The following ADK variants were observed in gnomAD, a reference collection of about 807,000 sequenced individuals.
The protein encoded by ADK is N6,N6-dimethyladenosine kinase.
Under a neutral mutation model 44.7 loss-of-function variants are expected in ADK, and 24 were observed. That is an observed-to-expected ratio of 0.54 (90% CI 0.39 to 0.76). The LOEUF is 0.76. ADK is among the 30% of genes least tolerant of loss of function. The probability of loss-of-function intolerance (pLI) is 0.00; values close to 1 mark genes in which losing one functional copy is unlikely to be tolerated. For missense variants in ADK, 321 were observed against 425.1 expected, an observed-to-expected ratio of 0.76 and a Z score of 2.15; for synonymous variants, 128 against 142.6, an observed-to-expected ratio of 0.90 and a Z score of 0.73.
chr10:74,167,880 G>T (rs958454192), intron 1 of ADK, among the ~76,000 whole-genome samples: 11 of 152,158 alleles, frequency 7.2e-5, no homozygotes, highest in Non-Finnish European at 1.5e-4. Context: ...CCCTTTGAAG[G>T]ATGATCACTT....
intron 2 of ADK, among the ~76,000 whole-genome samples, chr10:74,205,737 TAACA>T (rs1372347468): frequency 4.2e-5 from 6 of 141,338 alleles, no homozygotes; most frequent in Non-Finnish European, 9.3e-5. Flanking sequence ...GAAACTAACA[TAACA>T]GTCTAAGAAA....
intron 7 of ADK, among the ~76,000 whole-genome samples, chr10:74,528,875 T>C (rs1849169070): frequency 6.6e-6 from 1 of 152,168 alleles, no homozygotes; most frequent in Non-Finnish European, 1.5e-5. Flanking sequence ...TAACAAGTAT[T>C]GGTGAAGATG....
Position 74,430,410 on chromosome 10 carries a change from G to A in ADK, c.555+31831G>A, listed in dbSNP as rs113178125. Among the ~76,000 whole-genome samples the A allele has an allele frequency of 1.2e-4, 18 of 152,160 alleles. 1 individual carries two copies. The highest frequency in any genetic ancestry group is 3.6e-4 in the African/African-American group (15 of 41,506). ...ACATCTTGGTTGTTTCCAGTTTGGA[G>A]CTATTACAGATAAAGCTGCTGTGAA... is the stretch of plus-strand genomic sequence containing the variant. On this transcript the variant is annotated intron_variant, in intron 6 of 10. Transcript: ENST00000539909.
At chr10:74,346,337 G>T (rs1841763726) in intron 4 of ADK, among the ~76,000 whole-genome samples, 1 of 150,708 alleles carries the variant, frequency 6.6e-6, no homozygotes, top group Admixed American at 6.6e-5. Flanking sequence ...ATATCGATCA[G>T]GGTTTTACAC....
intron 9 of ADK, among the ~76,000 whole-genome samples, chr10:74,626,943 G>A (rs1776047278): frequency 1.3e-5 from 2 of 152,082 alleles, no homozygotes; most frequent in Admixed American, 6.5e-5. Context: ...ATAATCCATG[G>A]CCTTGGTTTT....
chr10:74,356,013 T>TGG (rs1842131464), intron 4 of ADK, among the ~76,000 whole-genome samples: 13 of 132,048 alleles, frequency 9.8e-5, no homozygotes, highest in Non-Finnish European at 1.6e-4. Context: ...TTTTTTTTTT[T>TGG]TTTTTTTTTT....
intron 2 of ADK, among the ~76,000 whole-genome samples, chr10:74,211,519 A>C (rs947456678): frequency 6.6e-6 from 1 of 152,226 alleles, no homozygotes; most frequent in African/African-American, 2.4e-5. Context: ...TAGATTCAAA[A>C]ATTCTAAAAG....
intron 6 of ADK, among the ~76,000 whole-genome samples, chr10:74,514,139 C>T (rs1004523342): frequency 6.6e-6 from 1 of 152,208 alleles, no homozygotes; most frequent in African/African-American, 2.4e-5. Flanking sequence ...ATCCTGTCCT[C>T]TCCTGGACTA....
intron 4 of ADK, among the ~76,000 whole-genome samples, chr10:74,330,057 A>G (rs1023555855): frequency 1.3e-5 from 2 of 152,086 alleles, no homozygotes; most frequent in African/African-American, 4.8e-5. Flanking sequence ...CATCCCAGCT[A>G]GTCAGGAAGC....
At chr10:74,495,906 C>T (rs1847667477) in intron 6 of ADK, among the ~76,000 whole-genome samples, 1 of 152,162 alleles carries the variant, frequency 6.6e-6, no homozygotes, top group African/African-American at 2.4e-5. Flanking sequence ...GGAATCTCCT[C>T]TTAGTAGGCT....
rs200870410 is a variant in ADK, at chr10:74,368,818, G to C, written c.274-25323G>C. The stretch of plus-strand genomic sequence containing the variant: ...ACTAATTATATTTTTAGTAAACATG[G>C]AGTTTCACCATGTTGGCCAGGCTGG... On this transcript the variant is annotated intron_variant, in intron 4 of 10. Transcript: ENST00000539909. Among the ~76,000 whole-genome samples, 12 of 152,062 alleles carry C rather than the reference G, an allele frequency of 7.9e-5. No homozygotes were observed. In the East Asian group the frequency reaches 1.7e-3, roughly 22 times the overall value.
intron 9 of ADK, among the ~76,000 whole-genome samples, chr10:74,621,325 CTG>C (rs979543010): frequency 6.6e-6 from 1 of 152,168 alleles, no homozygotes; most frequent in Non-Finnish European, 1.5e-5. Flanking sequence ...ATTGAAGAAA[CTG>C]TGCTTTCTCC....
intron 3 of ADK, among the ~76,000 whole-genome samples, chr10:74,254,821 TG>T (rs1845769341): frequency 6.6e-6 from 1 of 152,244 alleles, no homozygotes; most frequent in Non-Finnish European, 1.5e-5. Flanking sequence ...ATAGTCATTT[TG>T]TATTTGCCAA....
intron 3 of ADK, among the ~76,000 whole-genome samples, chr10:74,279,325 C>T (rs1381643177): frequency 6.6e-6 from 1 of 151,630 alleles, no homozygotes; most frequent in Non-Finnish European, 1.5e-5. Flanking sequence ...TGCAGTGGCT[C>T]ACGCCTGTAA....
intron 10 of ADK, among the ~76,000 whole-genome samples, chr10:74,672,321 T>TA (rs2134203494): frequency 6.6e-6 from 1 of 152,306 alleles, no homozygotes; most frequent in East Asian, 1.9e-4. Flanking sequence ...TTTTAATACG[T>TA]AAAAACCTTT....
intron 4 of ADK, among the ~76,000 whole-genome samples, chr10:74,342,630 T>C (rs1841617624): frequency 6.6e-6 from 1 of 152,156 alleles, no homozygotes; most frequent in Admixed American, 6.5e-5. Context: ...TGCACCACCA[T>C]GCCTGGCTAA....
intron 9 of ADK, among the ~76,000 whole-genome samples, chr10:74,666,806 C>T (rs11001102): frequency 0.23 from 35,149 of 149,728 alleles, 5,252 homozygotes; most frequent in East Asian, 0.69. Flanking sequence ...TAGGTCATGC[C>T]GGTAAAAACT....
At chr10:74,339,596 A>G (rs1841519564) in intron 4 of ADK, among the ~76,000 whole-genome samples, 2 of 152,350 alleles carry the variant, frequency 1.3e-5, no homozygotes, top group Middle Eastern at 3.4e-3. Context: ...TGATGGTCCC[A>G]TACAAAGCTG....
At chr10:74,340,677 C>T (rs1305640089) in intron 4 of ADK, among the ~76,000 whole-genome samples, 1 of 152,056 alleles carries the variant, frequency 6.6e-6, no homozygotes, top group Non-Finnish European at 1.5e-5. Context: ...AGTAAGAACA[C>T]ATATGAAACT....
Sources: allele counts gnomAD v4.1 joint callset (sites outside exome capture counted in the v4.1 genomes callset), GRCh38; gene constraint gnomAD v4.1.1; transcripts MANE v1.5; gene names NCBI Gene and HGNC (gene_info 2026-07-23, HGNC 2026-07-21).